Variants in ZBTB16 observed in about 807,000 individuals in gnomAD.
ZBTB16 encodes the protein zinc finger and BTB domain containing 16.
A neutral mutation model predicts 56.8 loss-of-function variants in ZBTB16; 8 were observed. The ratio of observed to expected loss-of-function variants is 0.14; its 90% CI spans 0.08 to 0.25. The LOEUF (loss-of-function observed/expected upper bound fraction) is 0.25, where lower values mean the gene tolerates loss of function less well. Among genes scored for constraint, ZBTB16 ranks in the 10% least tolerant of loss-of-function variants. ZBTB16 has a pLI of 1.00. For missense variants in ZBTB16, 625 were observed against 903.0 expected, an observed-to-expected ratio of 0.69 and a Z score of 3.95; for synonymous variants, 363 against 368.5, an observed-to-expected ratio of 0.98 and a Z score of 0.17.
At chr11:114,219,988 C>T (rs1944195363) in intron 4 of ZBTB16, among the ~76,000 whole-genome samples, 1 of 152,170 alleles carries the variant, frequency 6.6e-6, no homozygotes, top group Non-Finnish European at 1.5e-5. Context: ...GACTGCTGGA[C>T]CCACAGGCAT....
At chr11:114,152,672 G>A (rs2134944610) in intron 2 of ZBTB16, among the ~76,000 whole-genome samples, 1 of 152,318 alleles carries the variant, frequency 6.6e-6, no homozygotes, top group East Asian at 1.9e-4. Context: ...GAGATGCGTG[G>A]GCTGTACTAG....
intron 4 of ZBTB16, among the ~76,000 whole-genome samples, chr11:114,202,587 G>A (rs541276022): frequency 8.5e-5 from 13 of 152,330 alleles, no homozygotes; most frequent in South Asian, 6.2e-4. Flanking sequence ...ATATTTGGGC[G>A]TGGGAGAAAC....
intron 3 of ZBTB16, among the ~76,000 whole-genome samples, chr11:114,175,394 C>T (rs1056776893): frequency 1.3e-5 from 2 of 152,166 alleles, no homozygotes; most frequent in Non-Finnish European, 2.9e-5. Context: ...AACTACTTTA[C>T]ATGCAATATA....
chr11:114,249,690 G>A (rs1944882702), intron 6 of ZBTB16, among the ~76,000 whole-genome samples: 1 of 144,122 alleles, frequency 6.9e-6, no homozygotes, highest in Non-Finnish European at 1.5e-5. Flanking sequence ...GCGTGAACCC[G>A]GGAAGCGGAG....
At chr11:114,091,608 C>T (rs1462893072) in intron 2 of ZBTB16, among the ~76,000 whole-genome samples, 1 of 138,742 alleles carries the variant, frequency 7.2e-6, no homozygotes, top group Non-Finnish European at 1.6e-5. Flanking sequence ...GTTCCTCCCT[C>T]CCTCCCTCCC....
intron 2 of ZBTB16, among the ~76,000 whole-genome samples, chr11:114,071,339 C>T (rs1179607635): frequency 6.6e-6 from 1 of 150,910 alleles, no homozygotes; most frequent in East Asian, 1.9e-4. Flanking sequence ...AGATGATTTC[C>T]TTTATTTTAT....
At chr11:114,233,140 C>T (rs1432499425) in intron 4 of ZBTB16, among the ~76,000 whole-genome samples, 4 of 146,706 alleles carry the variant, frequency 2.7e-5, no homozygotes, top group Admixed American at 2.1e-4. Context: ...CTCTCTCTCA[C>T]ACTCCCTTTC....
chr11:114,219,979 A>G (rs114092927), intron 4 of ZBTB16, among the ~76,000 whole-genome samples: 146 of 152,314 alleles, frequency 9.6e-4, no homozygotes, highest in African/African-American at 3.4e-3. Flanking sequence ...TCCCAGTTTG[A>G]CTGCTGGACC....
intron 2 of ZBTB16, among the ~76,000 whole-genome samples, chr11:114,106,499 C>G (rs538665369): frequency 1.4e-5 from 2 of 144,818 alleles, no homozygotes; most frequent in East Asian, 4.0e-4. Context: ...GAGACAGAGT[C>G]TTGCTCTGGC....
intron 4 of ZBTB16, 107 bp from the exon 5 acceptor site, chr11:114,242,060 G>T: frequency 6.9e-7 from 1 of 1,452,712 alleles, no homozygotes; most frequent in Non-Finnish European, 9.5e-7. Context: ...CCCTGAGCAT[G>T]GGGATTTGGA....
chr11:114,068,863 C>A (rs1296197007), intron 2 of ZBTB16, among the ~76,000 whole-genome samples: 1 of 152,144 alleles, frequency 6.6e-6, no homozygotes, highest in African/African-American at 2.4e-5. Flanking sequence ...CGTACATATG[C>A]GATAAGATTG....
chr11:114,083,538 C>T (rs1209597288), intron 2 of ZBTB16, among the ~76,000 whole-genome samples: 1 of 152,148 alleles, frequency 6.6e-6, no homozygotes, highest in Non-Finnish European at 1.5e-5. Context: ...CCACCCACAG[C>T]CCTTTCAGAT....
intron 3 of ZBTB16, among the ~76,000 whole-genome samples, chr11:114,172,249 G>A (rs1942989059): frequency 6.6e-6 from 1 of 152,154 alleles, no homozygotes; most frequent in African/African-American, 2.4e-5. Context: ...TTTTGTCCTG[G>A]GCAAGGCAGA....
intron 4 of ZBTB16, among the ~76,000 whole-genome samples, chr11:114,206,339 ACAG>A (rs2135118011): frequency 6.6e-6 from 1 of 152,312 alleles, no homozygotes; most frequent in South Asian, 2.1e-4. Context: ...CTGGGATCAC[ACAG>A]CAGGCTAGAG....
rs1198148768 is a variant in ZBTB16 at position 114,233,081 on chromosome 11, G to GCACACA, written c.1454-9046_1454-9041dup. 2.0e-3 allele frequency among the ~76,000 whole-genome samples: 174 copies of GCACACA among 87,524 alleles called. 3 individuals are homozygous for GCACACA. The highest frequency in any genetic ancestry group is 2.7e-3 in the African/African-American group (62 of 23,026). The allele number at this position is 87,524 out of a possible 152,430, so 57.4% of individuals were successfully genotyped here. A position where few individuals can be genotyped will look rare whatever the true frequency, so the allele number is the denominator to read the frequency against. On this transcript the variant is annotated intron_variant, in intron 4 of 6. Coordinates refer to ENST00000335953, the MANE Select transcript of ZBTB16 (RefSeq NM_006006.6). ...CACATACGCATGCGCGCGCGCGCGC[G>GCACACA]CACACACACACACACACACACACAC...
chr11:114,104,497 C>G (rs1490965504), intron 2 of ZBTB16, among the ~76,000 whole-genome samples: 2 of 152,180 alleles, frequency 1.3e-5, no homozygotes, highest in Non-Finnish European at 2.9e-5. Context: ...GGAAGTACCC[C>G]CAAGCAGCCA....
At chr11:114,152,379 C>T (rs554194958) in intron 2 of ZBTB16, among the ~76,000 whole-genome samples, 20 of 152,320 alleles carry the variant, frequency 1.3e-4, no homozygotes, top group African/African-American at 4.1e-4. Flanking sequence ...GGTTGAAAAC[C>T]AGTGAGAAGG....
intron 5 of ZBTB16, chr11:114,246,850 G>A (rs562576720): frequency 1.0e-4 from 34 of 336,676 alleles, no homozygotes; most frequent in African/African-American, 6.9e-4. Flanking sequence ...TTAACCTAAA[G>A]GAAGGGGAGA....
At chr11:114,133,276 G>A (rs1284287440) in intron 2 of ZBTB16, among the ~76,000 whole-genome samples, 2 of 152,098 alleles carry the variant, frequency 1.3e-5, no homozygotes, top group African/African-American at 4.8e-5. Flanking sequence ...CAGAGGCGTT[G>A]GCTCCTCCCC....
Sources: gnomAD v4.1 joint callset for allele counts (sites outside exome capture counted in the v4.1 genomes callset) on GRCh38, gnomAD v4.1.1 for gene constraint, MANE v1.5 for transcripts, NCBI Gene and HGNC (gene_info 2026-07-23, HGNC 2026-07-21) for gene names.